Variants in RPS12 observed in about 807,000 individuals in gnomAD.
RPS12 encodes ribosomal protein S12.
A neutral mutation model predicts 17.2 loss-of-function variants in RPS12; 1 was observed. The ratio of observed to expected loss-of-function variants is 0.06; its 90% CI spans 0.02 to 0.28. The LOEUF (loss-of-function observed/expected upper bound fraction) is 0.28. RPS12 is among the 10% of genes least tolerant of loss of function. RPS12 has a pLI of 1.00. For missense variants in RPS12, 146 were observed against 162.1 expected, an observed-to-expected ratio of 0.90 and a Z score of 0.54; for synonymous variants, 67 against 54.0, an observed-to-expected ratio of 1.24 and a Z score of -1.06.
chr6:132,815,409 ACTT>A (rs1782025746), intron 3 of RPS12: 1 of 547,540 alleles, frequency 1.8e-6, no homozygotes, highest in African/African-American at 1.9e-5. Flanking sequence ...TCAGTCTTAT[ACTT>A]ATCTGGCAGA....
At chr6:132,815,922 C>G in intron 3 of RPS12, 1 of 453,266 alleles carries the variant, frequency 2.2e-6, no homozygotes, top group Non-Finnish European at 4.4e-6. Flanking sequence ...ATTGCAACCT[C>G]TACCTACCAG....
chr6:132,815,509 A>T, intron 3 of RPS12: 1 of 408,322 alleles, frequency 2.4e-6, no homozygotes, highest in Non-Finnish European at 4.9e-6. Flanking sequence ...TTTCAGAAGC[A>T]TTTGGTCCTA....
At chr6:132,816,310 G>A in intron 3 of RPS12, 151 bp from the exon 4 acceptor site, 1 of 624,810 alleles carries the variant, frequency 1.6e-6, no homozygotes, top group Non-Finnish European at 2.9e-6. Context: ...AGGTTCTTCA[G>A]ACTCAAGCAA....
intron 3 of RPS12, chr6:132,815,542 C>G (rs1005713289): frequency 2.3e-6 from 1 of 432,220 alleles, no homozygotes; most frequent in Non-Finnish European, 4.7e-6. Context: ...AGTATAATAG[C>G]TGTGATTTAT....
At chr6:132,816,808 C>G (rs927947860) in intron 4 of RPS12, 152 bp from the exon 5 acceptor site, 5 of 772,418 alleles carry the variant, frequency 6.5e-6, no homozygotes, top group Non-Finnish European at 1.2e-5. Flanking sequence ...TAGTGCTGTA[C>G]ATGATGACAA....
chr6:132,815,412 T>C (rs773356824), intron 3 of RPS12: 4 of 541,334 alleles, frequency 7.4e-6, no homozygotes, highest in Non-Finnish European at 1.4e-5. Flanking sequence ...GTCTTATACT[T>C]ATCTGGCAGA....
intron 3 of RPS12, chr6:132,815,590 C>T (rs973926015): frequency 2.2e-6 from 1 of 453,756 alleles, no homozygotes; most frequent in African/African-American, 2.0e-5. Context: ...TTGAATGGAT[C>T]GAGTTAATGT....
rs540948820 is a variant in RPS12, at chr6:132,814,754, C to T, written c.-15C>T. 1.1e-4 allele frequency: 171 copies of T among 1,613,492 alleles called. 1 individual carries two copies. In the Admixed American group the frequency reaches 2.7e-3, roughly 26 times the overall value. Reference sequence around the variant, plus strand: ...TAGTGCGTTCAAGATTCAACTTCACCCGTAACCCACCGCCATGGCCGAGGA... The same window carrying T: ...TAGTGCGTTCAAGATTCAACTTCACTCGTAACCCACCGCCATGGCCGAGGA... On this transcript the variant is annotated 5_prime_UTR_variant, in exon 2 of 6. Coordinates refer to ENST00000230050, the MANE Select transcript of RPS12 (RefSeq NM_001016.4).
chr6:132,816,494 C>G lies in RPS12; in HGVS notation c.165C>G (p.Asn55Lys). 6.2e-7 allele frequency: 1 copy of G among 1,608,392 alleles called. No individual in the cohort carries two copies. The highest frequency in any genetic ancestry group is 1.1e-5 in the South Asian group (1 of 91,078). The change falls in exon 4 of 6, where the codon AAC (asparagine) becomes AAG (lysine). Residue 55 changes from asparagine (N) to lysine (K), a missense_variant. Physicochemically the swap from Asn to Lys is moderately conservative, Grantham distance 94. Transcript: ENST00000230050. ...CCCATCTTTGTGTGCTTGCATCCAACTGTGATGAGCCTATGTATGTCAAGT... is the reference window on the plus strand; with the variant it reads ...CCCATCTTTGTGTGCTTGCATCCAAGTGTGATGAGCCTATGTATGTCAAGT... ...RQAHLCVLAS[N>K]CDEPMYVKLV...
chr6:132,814,915 C>CGTCTGTTGT lies in RPS12; in HGVS notation c.15-57_15-56insGTCTGTTGT, dbSNP rs1782008736. On this transcript the variant is annotated intron_variant, in intron 2 of 5. Coordinates refer to ENST00000230050, the MANE Select transcript of RPS12 (RefSeq NM_001016.4). Reference sequence around the variant, plus strand: ...TTGTACACTTAGCTTTTGCTGAGTGCAAGGCCTTATGTGGTGTGAGGATTT... The same window carrying CGTCTGTTGT: ...TTGTACACTTAGCTTTTGCTGAGTGCGTCTGTTGTAAGGCCTTATGTGGTGTGAGGATTT... The CGTCTGTTGT allele has an allele frequency of 3.5e-6, 5 of 1,409,590 alleles. No homozygotes were observed. In the East Asian group the frequency reaches 1.1e-4, roughly 32 times the overall value. The allele number at this position is 1,409,590 out of a possible 1,614,324, so 87.3% of individuals were successfully genotyped here.
chr6:132,817,456 C>G (rs1442684345), intron 5 of RPS12, 24 bp from the exon 6 acceptor site: 2 of 1,426,702 alleles, frequency 1.4e-6, no homozygotes, highest in East Asian at 4.5e-5. Context: ...CAAGAAATTG[C>G]ATGCGTGTTT....
chr6:132,814,730 A>G lies in RPS12; in HGVS notation c.-37-2A>G, dbSNP rs112352320. 1 of 1,609,814 alleles carries G rather than the reference A, an allele frequency of 6.2e-7. No individual in the cohort carries two copies. The highest frequency in any genetic ancestry group is 8.5e-7 in the Non-Finnish European group (1 of 1,176,488). The stretch of plus-strand genomic sequence containing the variant: ...TAACAAGTCAATGCTTTTGTTTTTT[A>G]GTGCGTTCAAGATTCAACTTCACCC... On this transcript the variant is annotated splice_acceptor_variant, in intron 1 of 5. Transcript: ENST00000230050. LOFTEE classifies it low-confidence loss of function (5UTR_SPLICE).
intron 2 of RPS12, 27 bp downstream of exon 2, chr6:132,814,809 T>G: frequency 6.2e-7 from 1 of 1,606,870 alleles, no homozygotes; most frequent in Non-Finnish European, 8.5e-7. Context: ...GGGTTGGAGT[T>G]GGGGTCGGGG....
chr6:132,816,277 T>A (rs2114712211), intron 3 of RPS12, among the ~76,000 whole-genome samples, 184 bp from the exon 4 acceptor site: 1 of 152,322 alleles, frequency 6.6e-6, no homozygotes, highest in South Asian at 2.1e-4. Flanking sequence ...GTAGGTTAAT[T>A]GAAGATGTAT....
chr6:132,814,861 G>T (rs1410621115), intron 2 of RPS12, 79 bp downstream of exon 2: 3 of 1,455,234 alleles, frequency 2.1e-6, no homozygotes, highest in African/African-American at 1.4e-5. Flanking sequence ...AACAGGACTG[G>T]GTCAAACGGG....
Position 132,815,102 on chromosome 6 carries a change from T to A in RPS12, c.131+14T>A, listed in dbSNP as rs1782015710. 6.6e-7 allele frequency: 1 copy of A among 1,515,990 alleles called. No homozygotes were observed. The highest frequency in any genetic ancestry group is 9.2e-7 in the Non-Finnish European group (1 of 1,091,164). 93.9% of individuals were successfully genotyped at this position (1,515,990 alleles called of 1,614,324 possible). On this transcript the variant is annotated intron_variant, in intron 3 of 5. Coordinates refer to ENST00000230050, the MANE Select transcript of RPS12 (RefSeq NM_001016.4). ...AGCCTTAGACAAGTACGTGTATCAGTCTCAATACTGTGGGTTCTTGCAACC... is the reference window on the plus strand; with the variant it reads ...AGCCTTAGACAAGTACGTGTATCAGACTCAATACTGTGGGTTCTTGCAACC...
rs1782068295 is a variant in RPS12, at chr6:132,816,652, TGTGCAGGTGTAAACATTAC to T, written c.234+95_234+113del. The T allele has an allele frequency of 3.2e-6, 3 of 927,172 alleles. No individual in the cohort carries two copies. The African/African-American group carries it at 4.8e-5, about 15-fold the overall frequency. 57.4% of individuals were successfully genotyped at this position (927,172 alleles called of 1,614,324 possible). A position where few individuals can be genotyped will look rare whatever the true frequency, so the allele number is the denominator to read the frequency against. On this transcript the variant is annotated intron_variant, in intron 4 of 5. Coordinates refer to ENST00000230050, the MANE Select transcript of RPS12 (RefSeq NM_001016.4). ...CTGTGAAGTCTCAAGCTGTTCATTTTGTGCAGGTGTAAACATTACGTGCACCTGATACTGTCGGCCATTT... is the reference window on the plus strand; with the variant it reads ...CTGTGAAGTCTCAAGCTGTTCATTTTGTGCACCTGATACTGTCGGCCATTT...
At chr6:132,815,734 TTAATG>T (rs1383330486) in intron 3 of RPS12, 1 of 456,736 alleles carries the variant, frequency 2.2e-6, no homozygotes, top group Admixed American at 2.3e-5. Context: ...GCATTATTGT[TTAATG>T]TATTTAGTAG....
intron 2 of RPS12, 62 bp downstream of exon 2, chr6:132,814,844 C>T: frequency 4.6e-6 from 7 of 1,516,660 alleles, no homozygotes; most frequent in Non-Finnish European, 6.4e-6. Flanking sequence ...GGGGCTAGAG[C>T]TGGCGGAACA....
Sources: gnomAD v4.1 joint callset for allele counts (sites outside exome capture counted in the v4.1 genomes callset) on GRCh38, gnomAD v4.1.1 for gene constraint, MANE v1.5 for transcripts, NCBI Gene and HGNC (gene_info 2026-07-23, HGNC 2026-07-21) for gene names.